CDH12: variants seen among roughly 807,000 people sequenced by gnomAD.
CDH12 encodes cadherin-12.
In CDH12, 41 loss-of-function variants were observed where a neutral mutation model predicts 74.1. The ratio of observed to expected loss-of-function variants is 0.55; its 90% confidence interval spans 0.43 to 0.72. CDH12 has a LOEUF of 0.72. CDH12 is among the 30% of genes least tolerant of loss of function. CDH12 has a pLI of 0.00. For missense variants in CDH12, 945 were observed against 977.2 expected (o/e 0.97, Z 0.44); for synonymous variants, 399 against 355.0 (o/e 1.12, Z -1.39).
intron 2 of CDH12, among the ~76,000 whole-genome samples, chr5:22,439,882 G>A (rs1473466737): frequency 6.6e-6 from 1 of 151,996 alleles, no homozygotes; most frequent in Non-Finnish European, 1.5e-5. Flanking sequence ...AACATTTGCT[G>A]ATGTTCATAT....
chr5:21,912,007 G>A (rs1026805747), intron 6 of CDH12, among the ~76,000 whole-genome samples: 13 of 152,084 alleles, frequency 8.5e-5, no homozygotes, highest in Non-Finnish European at 1.8e-4. Flanking sequence ...AGCTTATAAA[G>A]AGAAACAAGT....
intron 6 of CDH12, among the ~76,000 whole-genome samples, chr5:21,970,910 G>GA (rs1580048650): frequency 1.9e-5 from 2 of 107,220 alleles, no homozygotes; most frequent in African/African-American, 7.0e-5. Context: ...AATAACCTCT[G>GA]AAAAACTCCA....
intron 6 of CDH12, among the ~76,000 whole-genome samples, chr5:21,942,322 G>A (rs1431853515): frequency 3.7e-5 from 5 of 136,298 alleles, no homozygotes; most frequent in African/African-American, 1.3e-4. Flanking sequence ...CAGCCACTAT[G>A]AGACAAATAC....
chr5:22,713,348 G>A (rs541539275), intron 1 of CDH12, among the ~76,000 whole-genome samples: 25 of 151,438 alleles, frequency 1.7e-4, no homozygotes, highest in Middle Eastern at 3.4e-3. Context: ...TCACTATGTT[G>A]GCCAGGATGG....
chr5:21,918,489 C>A (rs1754202853), intron 6 of CDH12, among the ~76,000 whole-genome samples: 2 of 152,132 alleles, frequency 1.3e-5, no homozygotes, highest in Middle Eastern at 3.4e-3. Flanking sequence ...ACTCACAGTT[C>A]AGCACAGTTG....
intron 8 of CDH12, among the ~76,000 whole-genome samples, chr5:21,833,038 T>TATATGTTATATGTTATGTAAC (rs1749175358): frequency 1.5e-5 from 1 of 67,174 alleles, no homozygotes; most frequent in South Asian, 4.7e-4. Context: ...TAATATATAA[T>TATATGTTATATGTTATGTAAC]ATATAATATA....
chr5:21,804,158 T>C (rs2149926587), intron 9 of CDH12, among the ~76,000 whole-genome samples: 1 of 152,324 alleles, frequency 6.6e-6, no homozygotes, highest in Middle Eastern at 3.4e-3. Context: ...ACTTATAATA[T>C]TGATTTCCTT....
chr5:22,755,115 G>A (rs1303392711), intron 1 of CDH12, among the ~76,000 whole-genome samples: 1 of 152,018 alleles, frequency 6.6e-6, no homozygotes, highest in African/African-American at 2.4e-5. Context: ...TGATATTGTT[G>A]ATACTATATA....
At chr5:21,786,312 C>T (rs1259008846) in intron 10 of CDH12, among the ~76,000 whole-genome samples, 1 of 152,100 alleles carries the variant, frequency 6.6e-6, no homozygotes, top group Non-Finnish European at 1.5e-5. Flanking sequence ...TGCCACTACG[C>T]CTGGCTAATT....
At chr5:22,656,918 C>A (rs76169175) in intron 1 of CDH12, among the ~76,000 whole-genome samples, 6,749 of 152,072 alleles carry the variant, frequency 0.044, 215 homozygotes, top group Non-Finnish European at 0.067. Flanking sequence ...CTCAGTGCAG[C>A]CTTGACCTCC....
Position 21,872,783 on chromosome 5 carries a change from G to GATCTATCT in CDH12, c.527-18001_527-17994dup, listed in dbSNP as rs60717134. Among the ~76,000 whole-genome samples the GATCTATCT allele has an allele frequency of 1.9e-3, 270 of 142,118 alleles. 1 individual carries two copies. The highest frequency in any genetic ancestry group is 2.9e-3 in the African/African-American group (114 of 39,106). 93.2% of individuals were successfully genotyped at this position (142,118 alleles called of 152,430 possible). On this transcript the variant is annotated intron_variant, in intron 6 of 14. Coordinates refer to ENST00000382254, the MANE Select transcript of CDH12 (RefSeq NM_004061.5). ...GATGCCTCTGCCATGTTAAGAGTAA[G>GATCTATCT]ATCTATCTATCTATCTATCTATCTA...
At chr5:22,224,660 A>G (rs1013503213) in intron 3 of CDH12, among the ~76,000 whole-genome samples, 1 of 152,022 alleles carries the variant, frequency 6.6e-6, no homozygotes, top group Non-Finnish European at 1.5e-5. Flanking sequence ...TATTTGACCT[A>G]TGGGCCACAA....
intron 6 of CDH12, among the ~76,000 whole-genome samples, chr5:21,962,073 C>A (rs1420298432): frequency 6.6e-6 from 1 of 152,030 alleles, no homozygotes; most frequent in African/African-American, 2.4e-5. Flanking sequence ...TGGCTTTATA[C>A]CCTTCATACA....
At chr5:22,078,895 TA>T (rs1349853089) in intron 4 of CDH12, 33 bp from the exon 5 acceptor site, 1 of 1,167,634 alleles carries the variant, frequency 8.6e-7, no homozygotes, top group Non-Finnish European at 1.1e-6. Context: ...TACATTAAAT[TA>T]ATGAAATTGC....
chr5:22,005,922 T>A (rs138064472), intron 5 of CDH12, among the ~76,000 whole-genome samples: 2 of 152,094 alleles, frequency 1.3e-5, no homozygotes, highest in South Asian at 4.1e-4. Context: ...GCCAACCCTT[T>A]ACCTTTGCAG....
chr5:22,505,799 TCAGA>T (rs1197142562), intron 1 of CDH12, among the ~76,000 whole-genome samples: 2 of 152,158 alleles, frequency 1.3e-5, no homozygotes, highest in Non-Finnish European at 2.9e-5. Flanking sequence ...AAAGCAATGG[TCAGA>T]CATTTATAAA....
At chr5:22,322,022 T>C (rs1192427173) in intron 3 of CDH12, among the ~76,000 whole-genome samples, 1 of 152,172 alleles carries the variant, frequency 6.6e-6, no homozygotes, top group Non-Finnish European at 1.5e-5. Flanking sequence ...ATTTCATAAA[T>C]AGCAAATAAA....
intron 4 of CDH12, among the ~76,000 whole-genome samples, chr5:22,137,390 G>A (rs1342278869): frequency 1.3e-5 from 2 of 151,948 alleles, no homozygotes; most frequent in African/African-American, 4.8e-5. Context: ...AGTCTTTTGG[G>A]ATTGATAGTC....
chr5:22,473,983 C>G (rs1371317660), intron 2 of CDH12, among the ~76,000 whole-genome samples: 2 of 152,008 alleles, frequency 1.3e-5, no homozygotes, highest in Admixed American at 1.3e-4. Context: ...TGTGATACAA[C>G]CATTAAATGA....
Sources: allele counts gnomAD v4.1 joint callset (sites outside exome capture counted in the v4.1 genomes callset), GRCh38; gene constraint gnomAD v4.1.1; transcripts MANE v1.5; gene names NCBI Gene and HGNC (gene_info 2026-07-23, HGNC 2026-07-21).